The following CACNA1H variants were observed in gnomAD, a reference collection of about 807,000 sequenced individuals.
The protein encoded by CACNA1H is calcium voltage-gated channel subunit alpha1 H.
A neutral mutation model predicts 192.5 loss-of-function variants in CACNA1H; 149 were observed. That is an observed-to-expected ratio of 0.77 (90% CI 0.68 to 0.89). The LOEUF (loss-of-function observed/expected upper bound fraction) is 0.89, where lower values mean the gene tolerates loss of function less well. CACNA1H is among the 40% of genes least tolerant of loss of function. CACNA1H has a pLI of 0.00. For missense variants in CACNA1H, 4,257 were observed against 3,423.5 expected, an observed-to-expected ratio of 1.24 and a Z score of -6.08; for synonymous variants, 2,202 against 1,475.2, an observed-to-expected ratio of 1.49 and a Z score of -11.29.
rs751423106 is a variant in CACNA1H at position 1,209,257 on chromosome 16, G to A, written c.3589G>A (p.Glu1197Lys). ...CCGTGCCACCCCACTGCGGCGGGCC[G>A]AGTCCCTGGACCCACGGCCCCTGCG... is the stretch of plus-strand genomic sequence containing the variant. ...GPRATPLRRA[E>K]SLDPRPLRPA... The change falls in exon 17 of 35, where the codon GAG (glutamate) becomes AAG (lysine). Residue 1197 changes from glutamate to lysine, a missense_variant. By Grantham distance (56) the Glu-to-Lys change is moderately conservative. Coordinates refer to ENST00000348261, the MANE Select transcript of CACNA1H (RefSeq NM_021098.3). The A allele has an allele frequency of 9.1e-4, 1,406 of 1,546,578 alleles. 1 individual carries two copies. Among genetic ancestry groups the A allele is most frequent in the Non-Finnish European group, 1.2e-3 (1,327 of 1,149,456 alleles).
chr16:1,183,433 T>TA (rs933212267), intron 2 of CACNA1H, among the ~76,000 whole-genome samples: 1 of 152,098 alleles, frequency 6.6e-6, no homozygotes, highest in Non-Finnish European at 1.5e-5. Context: ...TGACCGGGCT[T>TA]CCTCCTCCCT....
intron 2 of CACNA1H, among the ~76,000 whole-genome samples, chr16:1,161,194 G>A (rs1963154776): frequency 6.6e-6 from 1 of 152,228 alleles, no homozygotes; most frequent in Non-Finnish European, 1.5e-5. Context: ...TGGTGTGGGT[G>A]CTTCTGCCGT....
At chr16:1,164,960 G>C (rs922239434) in intron 2 of CACNA1H, among the ~76,000 whole-genome samples, 2 of 152,196 alleles carry the variant, frequency 1.3e-5, no homozygotes, top group Non-Finnish European at 1.5e-5. Context: ...GGGTGCAGCA[G>C]GTGGGGCCCC....
At chr16:1,153,568 G>T in intron 1 of CACNA1H, 98 bp downstream of exon 1, 1 of 371,976 alleles carries the variant, frequency 2.7e-6, no homozygotes, top group South Asian at 1.4e-4. Context: ...CTGGAGGGAG[G>T]GAGGGGGCGG....
At chr16:1,202,681 T>C (rs1485155888) in intron 9 of CACNA1H, among the ~76,000 whole-genome samples, 1 of 151,264 alleles carries the variant, frequency 6.6e-6, no homozygotes, top group African/African-American at 2.4e-5. Context: ...ATGGCAGGAG[T>C]GGTAGCCGCG....
At chr16:1,160,187 C>T (rs1963005102) in intron 2 of CACNA1H, 1 of 152,220 alleles carries the variant, frequency 6.6e-6, no homozygotes, top group Admixed American at 6.5e-5. Flanking sequence ...GCCGAGCCCG[C>T]TGTGGGAAGG....
In CACNA1H at chr16:1,218,567, A is replaced by G; in HGVS notation, c.5803A>G (p.Arg1935Gly). 2 of 1,564,668 alleles carry G rather than the reference A, an allele frequency of 1.3e-6. No homozygotes were observed. The highest frequency in any genetic ancestry group is 2.4e-5 in the East Asian group (1 of 42,202). The change falls in exon 33 of 35, where the codon AGG becomes GGG. Residue 1935 changes from arginine to glycine, a missense_variant. Transcript: ENST00000348261. The part of the protein sequence containing the change: ...LSLPNDSYMF[R>G]PVVPASAPHP... ...GCTGCCCAACGACAGCTACATGTTC[A>G]GGCCCGTGGTGCCTGCCTCGGCGCC...
Position 1,155,112 on chromosome 16 carries a change from C to T in CACNA1H, c.299+1076C>T, listed in dbSNP as rs773660425. Among the ~76,000 whole-genome samples the T allele has an allele frequency of 1.5e-3, 232 of 152,322 alleles. 2 individuals carry two copies. The highest frequency in any genetic ancestry group is 2.9e-3 in the South Asian group (14 of 4,830). On this transcript the variant is annotated intron_variant, in intron 2 of 34. Coordinates refer to ENST00000348261, the MANE Select transcript of CACNA1H (RefSeq NM_021098.3). ...TGTTTAACTGTACAAATATTAAACA[C>T]GAAAGAGGAATCTGTACAAAAAAAG... is the stretch of plus-strand genomic sequence containing the variant.
rs61734410 is a variant in CACNA1H, at chr16:1,202,369, C to T, written c.1919C>T (p.Pro640Leu). ...PGPKGKWAGGPPGTGGHGPLS... is the reference protein window; with the variant it reads ...PGPKGKWAGGLPGTGGHGPLS... ...CCCAAGGGGAAGTGGGCCGGTGGAC[C>T]GCCAGGCACCGGGGGGCACGGCCCG... The change falls in exon 9 of 35, where the codon CCG (proline) becomes CTG (leucine). Residue 640 changes from proline to leucine, a missense_variant. Coordinates refer to ENST00000348261, the MANE Select transcript of CACNA1H (RefSeq NM_021098.3). The T allele has an allele frequency of 0.3, 461,411 of 1,557,154 alleles. 78,216 individuals carry two copies. Among genetic ancestry groups the T allele is most frequent in the East Asian group, 0.84 (34,870 of 41,400 alleles).
chr16:1,218,222 G>T lies in CACNA1H; in HGVS notation c.5458G>T (p.Glu1820Ter). 6.5e-7 allele frequency: 1 copy of T among 1,549,576 alleles called. No individual in the cohort carries two copies. The highest frequency in any genetic ancestry group is 8.7e-7 in the Non-Finnish European group (1 of 1,146,678). ...TCCCCCACCGCAGGACACGCTGCGCGAGTGCTCCCGTGAGGACAAGCACTG... is the reference window on the plus strand; with the variant it reads ...TCCCCCACCGCAGGACACGCTGCGCTAGTGCTCCCGTGAGGACAAGCACTG... Reference protein sequence around the residue: ...WNGIMKDTLRECSREDKHCLS... With the variant: ...WNGIMKDTLR The change falls in exon 33 of 35, where the codon GAG becomes TAG. Residue 1820 changes from glutamate to a stop codon, truncating the protein, a stop_gained. Coordinates refer to ENST00000348261, the MANE Select transcript of CACNA1H (RefSeq NM_021098.3). LOFTEE classifies it high-confidence loss of function.
At position 1,220,317 on chromosome 16, in the gene CACNA1H, G is replaced by C. The variant is rs369185359; in HGVS notation, c.6385G>C (p.Glu2129Gln). 1.3e-6 allele frequency: 2 copies of C among 1,559,210 alleles called. No individual in the cohort carries two copies. The highest frequency in any genetic ancestry group is 1.7e-6 in the Non-Finnish European group (2 of 1,160,270). The change falls in exon 35 of 35, where the codon GAG (glutamate) becomes CAG (glutamine). Residue 2129 changes from glutamate to glutamine, a missense_variant. By Grantham distance (29) the Glu-to-Gln change is conservative (BLOSUM62 2). Transcript: ENST00000348261. The stretch of plus-strand genomic sequence containing the variant: ...CGAAGCCTCTCCGGTGGCCGGCGGC[G>C]AGCGGGACCTGCGCAGGCTCTACAG... The part of the protein sequence containing the change: ...GPEASPVAGG[E>Q]RDLRRLYSVD...
In CACNA1H at chr16:1,201,650, G is replaced by T; in HGVS notation, c.1213-13G>T. On this transcript the variant is annotated splice_polypyrimidine_tract_variant and intron_variant, in intron 8 of 34. Coordinates refer to ENST00000348261, the MANE Select transcript of CACNA1H (RefSeq NM_021098.3). The stretch of plus-strand genomic sequence containing the variant: ...CTCACTCACTGCCACTTACCCGCCC[G>T]CCCCCGTCACAGGTGGGCTCCTTCT... 2 of 1,569,496 alleles carry T rather than the reference G, an allele frequency of 1.3e-6. No homozygotes were observed. Among genetic ancestry groups the T allele is most frequent in the Non-Finnish European group, 8.6e-7 (1 of 1,156,206 alleles).
chr16:1,200,645 C>A (rs1204664872), intron 7 of CACNA1H, 71 bp from the exon 8 acceptor site: 2 of 1,585,662 alleles, frequency 1.3e-6, no homozygotes, highest in Admixed American at 3.4e-5. Flanking sequence ...CCCCCCCCAG[C>A]CCAGACCCCA....
At chr16:1,204,905 C>T (rs8063415) in intron 10 of CACNA1H, among the ~76,000 whole-genome samples, 6 of 33,546 alleles carry the variant, frequency 1.8e-4, no homozygotes, top group Admixed American at 5.2e-4. Flanking sequence ...GTGGGAGCCG[C>T]GGGTGGGGCC....
rs753183544 is a variant in CACNA1H, at chr16:1,211,733, C to T, written c.4494C>T (p.Phe1498=). The part of the protein sequence containing the change: ...DNLGQALMSL[F]VLSSKDGWVN... The stretch of plus-strand genomic sequence containing the variant: ...GCCCTCAGGCCCTGATGTCGCTGTT[C>T]GTGCTGTCATCCAAGGATGGATGGG... The change falls in exon 24 of 35, where the codon TTC becomes TTT. Residue 1498 remains phenylalanine (F), a synonymous_variant. Coordinates refer to ENST00000348261, the MANE Select transcript of CACNA1H (RefSeq NM_021098.3). 23 of 1,612,510 alleles carry T rather than the reference C, an allele frequency of 1.4e-5. No individual in the cohort carries two copies. Among genetic ancestry groups the T allele is most frequent in the East Asian group, 6.7e-5 (3 of 44,878 alleles).
rs1374475802 is a variant in CACNA1H, at chr16:1,181,407, C to T, written c.300-13565C>T. ...AGCTGAGCCAGCGCTTTGACGCCCG[C>T]GTCGGCCAGGAGAGTCTGGGGGTCT... On this transcript the variant is annotated intron_variant, in intron 2 of 34. Transcript: ENST00000348261. Among the ~76,000 whole-genome samples the T allele has an allele frequency of 3.3e-5, 5 of 152,230 alleles. No individual in the cohort carries two copies. The South Asian group carries it at 1.0e-3, about 32-fold the overall frequency.
At chr16:1,192,901 AGGAGAGTGT>A (rs1421552970) in intron 2 of CACNA1H, among the ~76,000 whole-genome samples, 1 of 152,072 alleles carries the variant, frequency 6.6e-6, no homozygotes, top group Non-Finnish European at 1.5e-5. Context: ...CCCAACTTGA[AGGAGAGTGT>A]GGAGAGAGGA....
intron 2 of CACNA1H, among the ~76,000 whole-genome samples, chr16:1,182,458 A>C (rs1276272345): frequency 6.6e-6 from 1 of 152,022 alleles, no homozygotes; most frequent in East Asian, 1.9e-4. Context: ...GTGCTCTCCC[A>C]CGGGCAGCCC....
At chr16:1,163,933 C>T (rs137996191) in intron 2 of CACNA1H, among the ~76,000 whole-genome samples, 69 of 152,296 alleles carry the variant, frequency 4.5e-4, no homozygotes, top group African/African-American at 1.6e-3. Flanking sequence ...TGTGACTCAG[C>T]GGCTCAGCTT....
Sources: gnomAD v4.1 joint callset for allele counts (sites outside exome capture counted in the v4.1 genomes callset) on GRCh38, gnomAD v4.1.1 for gene constraint, MANE v1.5 for transcripts, NCBI Gene and HGNC (gene_info 2026-07-23, HGNC 2026-07-21) for gene names.